Variants in OR2L13 observed in about 807,000 individuals in gnomAD.
The protein encoded by OR2L13 is olfactory receptor 2L13.
A neutral mutation model predicts 15.3 loss-of-function variants in OR2L13; 14 were observed. The ratio of observed to expected loss-of-function variants is 0.91; its 90% confidence interval spans 0.60 to 1.43. OR2L13 has a LOEUF of 1.43. Among genes scored for constraint, OR2L13 ranks in the 40% most tolerant of loss-of-function variants. The pLI is 0.00. For synonymous variants in OR2L13, 152 were observed against 142.9 expected (o/e 1.06, Z -0.45); for missense variants, 367 against 387.9 (o/e 0.95, Z 0.45).
chr1:248,085,051 G>A, the OR2L13 span, among the ~76,000 whole-genome samples: 1 of 152,148 alleles, frequency 6.6e-6, no homozygotes, highest in Non-Finnish European at 1.5e-5. Context: ...AGGCAAAATA[G>A]GCAAAGATTC....
chr1:247,977,980 G>A, the OR2L13 span, among the ~76,000 whole-genome samples: 1 of 152,150 alleles, frequency 6.6e-6, no homozygotes, highest in African/African-American at 2.4e-5. Flanking sequence ...AGTCTCTCCA[G>A]AAGGCTGATA....
At chr1:247,948,487 G>A in the OR2L13 span, among the ~76,000 whole-genome samples, 1 of 152,078 alleles carries the variant, frequency 6.6e-6, no homozygotes, top group Admixed American at 6.6e-5. Context: ...CATCAAATGT[G>A]AAACTCTGGG....
chr1:247,994,360 G>GCACTCCA, the OR2L13 span, among the ~76,000 whole-genome samples: 1 of 152,116 alleles, frequency 6.6e-6, no homozygotes, highest in Non-Finnish European at 1.5e-5. Context: ...TCGCTCCACT[G>GCACTCCA]CACTCCAGCC....
At chr1:248,075,371 A>C in the OR2L13 span, among the ~76,000 whole-genome samples, 2 of 152,202 alleles carry the variant, frequency 1.3e-5, no homozygotes, top group Admixed American at 6.5e-5. Flanking sequence ...TATACCCAGT[A>C]ATGGGATTGC....
At chr1:248,074,254 A>T in the OR2L13 span, among the ~76,000 whole-genome samples, 9 of 152,176 alleles carry the variant, frequency 5.9e-5, no homozygotes, top group East Asian at 1.5e-3. Flanking sequence ...AGGTAATGGC[A>T]TATTTTAAAA....
the OR2L13 span, among the ~76,000 whole-genome samples, chr1:248,016,657 C>A: frequency 2.0e-5 from 3 of 151,668 alleles, no homozygotes; most frequent in African/African-American, 7.3e-5. Flanking sequence ...AGATGTACTG[C>A]CTAAAAATAT....
chr1:248,026,710 CCT>C, the OR2L13 span, among the ~76,000 whole-genome samples: 1 of 152,126 alleles, frequency 6.6e-6, no homozygotes, highest in Non-Finnish European at 1.5e-5. Context: ...ATTTCTTACC[CCT>C]GTCTTTACTG....
At chr1:248,021,309 A>G in the OR2L13 span, among the ~76,000 whole-genome samples, 1 of 152,176 alleles carries the variant, frequency 6.6e-6, no homozygotes, top group African/African-American at 2.4e-5. Context: ...ATTTGGAAAG[A>G]TTAGTCATCT....
the OR2L13 span, among the ~76,000 whole-genome samples, chr1:248,033,091 T>C: frequency 3.3e-5 from 5 of 152,232 alleles, no homozygotes; most frequent in Non-Finnish European, 7.3e-5. Flanking sequence ...ATTTTACTTA[T>C]AATATTTTCA....
At chr1:247,982,164 T>A in the OR2L13 span, among the ~76,000 whole-genome samples, 1 of 152,154 alleles carries the variant, frequency 6.6e-6, no homozygotes, top group Non-Finnish European at 1.5e-5. Flanking sequence ...TGAATAATAA[T>A]TTTTCTTTGA....
the OR2L13 span, among the ~76,000 whole-genome samples, chr1:248,074,192 T>G: frequency 2.6e-5 from 4 of 152,104 alleles, no homozygotes; most frequent in Non-Finnish European, 5.9e-5. Context: ...TAAAATAACA[T>G]ATATCAATGA....
exon 3 of OR2L13, chr1:248,100,282 G>A: frequency 6.2e-7 from 1 of 1,609,930 alleles, no homozygotes; most frequent in East Asian, 2.2e-5. Flanking sequence ...TATGAGGAGA[G>A]TGTTTGGGAT....
At chr1:248,087,045 C>G in the OR2L13 span, among the ~76,000 whole-genome samples, 2 of 152,066 alleles carry the variant, frequency 1.3e-5, no homozygotes, top group Non-Finnish European at 1.5e-5. Flanking sequence ...TACTTGAAAA[C>G]ACACACAGAT....
chr1:248,011,569 A>T, the OR2L13 span, among the ~76,000 whole-genome samples: 1 of 152,156 alleles, frequency 6.6e-6, no homozygotes, highest in African/African-American at 2.4e-5. Context: ...CATTCTCCCC[A>T]TCATTTTCAG....
chr1:247,984,574 T>C, the OR2L13 span, among the ~76,000 whole-genome samples: 1 of 152,188 alleles, frequency 6.6e-6, no homozygotes, highest in African/African-American at 2.4e-5. Flanking sequence ...TTTGTTCTTC[T>C]GAATTGTCCT....
At chr1:247,961,853 A>G in the OR2L13 span, among the ~76,000 whole-genome samples, 3 of 152,124 alleles carry the variant, frequency 2.0e-5, no homozygotes, top group East Asian at 1.9e-4. Flanking sequence ...GCAAAGGCCA[A>G]AAAAAAAGCC....
At chr1:248,079,261 TC>T in the OR2L13 span, among the ~76,000 whole-genome samples, 207 of 49,410 alleles carry the variant, frequency 4.2e-3, no homozygotes, top group Non-Finnish European at 0.02. Context: ...ACAGAAATTT[TC>T]TGTACTTTTT....
the OR2L13 span, among the ~76,000 whole-genome samples, chr1:247,943,447 G>T: frequency 6.6e-6 from 1 of 152,048 alleles, no homozygotes; most frequent in Non-Finnish European, 1.5e-5. Flanking sequence ...ATCTGTTCAG[G>T]TGTCTGCTTT....
chr1:247,965,937 G>C, the OR2L13 span: 1 of 1,610,404 alleles, frequency 6.2e-7, no homozygotes, highest in Non-Finnish European at 8.5e-7. Context: ...TACTATCATT[G>C]GTGTGTCAGG....
Sources: gnomAD v4.1 joint callset for allele counts (sites outside exome capture counted in the v4.1 genomes callset) on GRCh38, gnomAD v4.1.1 for gene constraint, MANE v1.5 for transcripts, NCBI Gene and HGNC (gene_info 2026-07-23, HGNC 2026-07-21) for gene names.